Variants in AGBL4 observed in about 807,000 individuals in gnomAD.
The protein encoded by AGBL4 is AGBL carboxypeptidase 4.
Under a neutral mutation model 66.4 loss-of-function variants are expected in AGBL4, and 58 were observed. The observed-to-expected ratio is 0.87, with a 90% CI of 0.71 to 1.09. The LOEUF (loss-of-function observed/expected upper bound fraction) is 1.09. AGBL4 is among the 50% of genes least tolerant of loss of function. The pLI is 0.00. For missense variants in AGBL4, 579 were observed against 631.0 expected, an observed-to-expected ratio of 0.92 and a Z score of 0.88; for synonymous variants, 234 against 222.9, an observed-to-expected ratio of 1.05 and a Z score of -0.44.
chr1:48,627,931 T>C (rs1424493238), intron 9 of AGBL4, among the ~76,000 whole-genome samples: 1 of 152,204 alleles, frequency 6.6e-6, no homozygotes, highest in Non-Finnish European at 1.5e-5. Context: ...GATCTCATCA[T>C]TCTTACCTCG....
At chr1:49,948,583 A>G (rs1176377813) in intron 1 of AGBL4, among the ~76,000 whole-genome samples, 2 of 122,434 alleles carry the variant, frequency 1.6e-5, no homozygotes, top group Non-Finnish European at 3.2e-5. Context: ...ATATATATAT[A>G]GAGAGAGAGA....
downstream of AGBL4, among the ~76,000 whole-genome samples, chr1:48,530,742 G>A (rs1643900122): frequency 6.6e-6 from 1 of 152,158 alleles, no homozygotes; most frequent in South Asian, 2.1e-4. Flanking sequence ...TCAGTATGGA[G>A]AGTTGTGTGA....
At chr1:49,802,919 C>A (rs900105691) in intron 2 of AGBL4, among the ~76,000 whole-genome samples, 1 of 152,108 alleles carries the variant, frequency 6.6e-6, no homozygotes, top group Non-Finnish European at 1.5e-5. Context: ...CCTAGCAAAG[C>A]ACATAAAAAT....
intron 11 of AGBL4, among the ~76,000 whole-genome samples, chr1:48,545,170 G>A (rs1644138715): frequency 6.6e-6 from 1 of 152,176 alleles, no homozygotes; most frequent in Non-Finnish European, 1.5e-5. Context: ...ACTGTAGGAG[G>A]TAGCCTTGTA....
chr1:49,817,954 C>T (rs901035624), intron 2 of AGBL4, among the ~76,000 whole-genome samples: 1 of 152,028 alleles, frequency 6.6e-6, no homozygotes, highest in Admixed American at 6.6e-5. Flanking sequence ...TGTGCATGTG[C>T]CATTCATTAA....
At chr1:49,967,422 C>T (rs901075952) in intron 1 of AGBL4, among the ~76,000 whole-genome samples, 60 of 151,976 alleles carry the variant, frequency 3.9e-4, no homozygotes, top group African/African-American at 1.4e-3. Context: ...AACAGAAAAC[C>T]AAACACCACA....
At chr1:49,852,764 G>A (rs1248041027) in intron 1 of AGBL4, among the ~76,000 whole-genome samples, 1 of 152,076 alleles carries the variant, frequency 6.6e-6, no homozygotes, top group East Asian at 1.9e-4. Flanking sequence ...GGTCATTTGT[G>A]TAGGGGCTTG....
At chr1:49,111,358 C>T (rs1034055275) in intron 4 of AGBL4, among the ~76,000 whole-genome samples, 4 of 152,218 alleles carry the variant, frequency 2.6e-5, no homozygotes, top group Non-Finnish European at 5.9e-5. Flanking sequence ...CTGATCCGCC[C>T]GCCTTGGCCT....
At chr1:49,910,793 C>A (rs1224609299) in intron 1 of AGBL4, among the ~76,000 whole-genome samples, 1 of 152,046 alleles carries the variant, frequency 6.6e-6, no homozygotes, top group African/African-American at 2.4e-5. Flanking sequence ...CTAGGCAACA[C>A]GGTGAAAACC....
chr1:49,720,764 G>A (rs1648538604), intron 2 of AGBL4, among the ~76,000 whole-genome samples: 1 of 152,036 alleles, frequency 6.6e-6, no homozygotes, highest in African/African-American at 2.4e-5. Context: ...ATCAATTGAG[G>A]GAAACTAATA....
intron 3 of AGBL4, among the ~76,000 whole-genome samples, chr1:49,360,021 C>T (rs984269708): frequency 1.3e-5 from 2 of 152,094 alleles, no homozygotes; most frequent in South Asian, 2.1e-4. Context: ...GTGCAGATGA[C>T]AGTAGAGGTT....
intron 4 of AGBL4, among the ~76,000 whole-genome samples, chr1:49,055,804 A>T (rs1407862082): frequency 6.6e-6 from 1 of 152,168 alleles, no homozygotes; most frequent in Non-Finnish European, 1.5e-5. Flanking sequence ...TCTATTTTTA[A>T]AACTAGATTT....
intron 2 of AGBL4, among the ~76,000 whole-genome samples, chr1:49,832,767 A>T (rs1645728453): frequency 6.6e-6 from 1 of 152,068 alleles, no homozygotes; most frequent in Non-Finnish European, 1.5e-5. Context: ...GCATTTTTTC[A>T]TGTGTTTTTT....
chr1:49,349,931 C>A (rs1156439261), intron 3 of AGBL4, among the ~76,000 whole-genome samples: 1 of 152,108 alleles, frequency 6.6e-6, no homozygotes, highest in East Asian at 1.9e-4. Flanking sequence ...TATCTACAAG[C>A]CAGGGAGGAG....
intron 11 of AGBL4, among the ~76,000 whole-genome samples, chr1:48,545,098 T>C (rs1340497248): frequency 6.6e-6 from 1 of 152,112 alleles, no homozygotes; most frequent in Non-Finnish European, 1.5e-5. Context: ...AATGAATGAA[T>C]GAGGAAGAGA....
intron 3 of AGBL4, among the ~76,000 whole-genome samples, chr1:49,391,614 T>C (rs1041018530): frequency 1.4e-5 from 2 of 143,056 alleles, no homozygotes; most frequent in Admixed American, 1.5e-4. Context: ...CAGGCTGGAG[T>C]ACAGTGGCGC....
intron 3 of AGBL4, among the ~76,000 whole-genome samples, chr1:49,261,524 C>G (rs1653168201): frequency 1.3e-5 from 2 of 149,628 alleles, no homozygotes; most frequent in Admixed American, 6.6e-5. Context: ...AACAGACAAA[C>G]AGAGAGCCAA....
intron 6 of AGBL4, among the ~76,000 whole-genome samples, chr1:48,846,367 AAGAAAG>A (rs1646912228): frequency 4.6e-5 from 3 of 65,236 alleles, no homozygotes; most frequent in South Asian, 1.0e-3. Flanking sequence ...AGAAAGAAGA[AAGAAAG>A]AAAGAAAGAA....
chr1:49,226,574 T>C (rs1649928311), intron 4 of AGBL4, among the ~76,000 whole-genome samples: 1 of 152,156 alleles, frequency 6.6e-6, no homozygotes, highest in South Asian at 2.1e-4. Flanking sequence ...CTTCAGAAGT[T>C]CTTGTGCAAA....
Sources: gnomAD v4.1 joint callset for allele counts (sites outside exome capture counted in the v4.1 genomes callset) on GRCh38, gnomAD v4.1.1 for gene constraint, MANE v1.5 for transcripts, NCBI Gene and HGNC (gene_info 2026-07-23, HGNC 2026-07-21) for gene names.